GRM8: variants seen among roughly 807,000 people sequenced by gnomAD.
GRM8 encodes the protein glutamate metabotropic receptor 8.
In GRM8, 47 loss-of-function variants were observed where a neutral mutation model predicts 87.2. The ratio of observed to expected loss-of-function variants is 0.54; its 90% CI spans 0.43 to 0.69. The LOEUF (loss-of-function observed/expected upper bound fraction) is 0.69, where lower values mean the gene tolerates loss of function less well. Ranked by LOEUF, GRM8 falls within the 30% of genes least tolerant of loss-of-function variation. The pLI is 0.00. For missense variants in GRM8, 1,019 were observed against 1,139.2 expected, an observed-to-expected ratio of 0.89 and a Z score of 1.52; for synonymous variants, 396 against 404.5, an observed-to-expected ratio of 0.98 and a Z score of 0.25.
chr7:126,990,576 C>T (rs149994448), intron 3 of GRM8, among the ~76,000 whole-genome samples: 40 of 152,290 alleles, frequency 2.6e-4, no homozygotes, highest in Middle Eastern at 3.4e-3. Flanking sequence ...AGATTGTTGA[C>T]GTTACCGTTA....
chr7:126,919,625 GGA>G (rs1451548558), intron 3 of GRM8, among the ~76,000 whole-genome samples: 2 of 151,804 alleles, frequency 1.3e-5, no homozygotes, highest in African/African-American at 4.8e-5. Flanking sequence ...AAAAATGAAA[GGA>G]GTGTTGGGGA....
chr7:126,601,123 T>G (rs1797709889), intron 8 of GRM8, among the ~76,000 whole-genome samples: 1 of 137,040 alleles, frequency 7.3e-6, no homozygotes, highest in African/African-American at 2.8e-5. Flanking sequence ...GATATTCCCC[T>G]TCCTGTGTCC....
chr7:126,446,455 T>C (rs564189528), intron 9 of GRM8, 83 bp from the exon 10 acceptor site: 1 of 914,676 alleles, frequency 1.1e-6, no homozygotes, highest in East Asian at 2.5e-5. Flanking sequence ...TTTCTAAAAT[T>C]GTTCCAGCTT....
chr7:127,143,286 T>G (rs1017196608), intron 2 of GRM8, among the ~76,000 whole-genome samples: 3 of 152,174 alleles, frequency 2.0e-5, no homozygotes, highest in East Asian at 3.9e-4. Context: ...TTATCCTTAA[T>G]AAATAGTCAC....
rs184464427 is a variant in GRM8 at position 126,473,124 on chromosome 7, G to A, written c.2431-26752C>T. The stretch of plus-strand genomic sequence containing the variant: ...AGAGTCCCCACTGGGGCACTGCCTA[G>A]TGGAGCTGTGAGAAGAGGGCCACTG... On this transcript the variant is annotated intron_variant, in intron 9 of 10. Coordinates refer to ENST00000339582, the MANE Select transcript of GRM8 (RefSeq NM_000845.3). Among the ~76,000 whole-genome samples the A allele has an allele frequency of 2.4e-3, 373 of 152,284 alleles. 2 individuals are homozygous for A. Among genetic ancestry groups the A allele is most frequent in the African/African-American group, 8.4e-3 (349 of 41,576 alleles).
chr7:127,066,341 T>C (rs1821108075), intron 3 of GRM8, among the ~76,000 whole-genome samples: 1 of 152,200 alleles, frequency 6.6e-6, no homozygotes, highest in African/African-American at 2.4e-5. Context: ...TATCAGGCCT[T>C]GGGTTTTGAA....
intron 6 of GRM8, among the ~76,000 whole-genome samples, chr7:126,864,793 G>A (rs975659344): frequency 2.0e-5 from 3 of 151,776 alleles, no homozygotes; most frequent in African/African-American, 4.8e-5. Flanking sequence ...CAGTTGTTTT[G>A]CATGAAACCA....
chr7:126,783,431 C>G (rs894569170), intron 6 of GRM8, among the ~76,000 whole-genome samples: 4 of 152,134 alleles, frequency 2.6e-5, no homozygotes, highest in African/African-American at 9.7e-5. Context: ...CAGTAAAGTA[C>G]AGTAAGGAAA....
chr7:126,760,139 T>C lies in GRM8; in HGVS notation c.1357+9726A>G, dbSNP rs148726476. Among the ~76,000 whole-genome samples the C allele has an allele frequency of 3.7e-3, 571 of 152,292 alleles. 8 individuals are homozygous for C. Among genetic ancestry groups the C allele is most frequent in the African/African-American group, 0.013 (542 of 41,556 alleles). ...GTTTAGACCCAAGGTCAGCCCTCAA[T>C]TATTAAGCCCATGGTACTCCACCTC... On this transcript the variant is annotated intron_variant, in intron 7 of 10. Transcript: ENST00000339582.
At chr7:127,176,714 C>T (rs1331380862) in intron 2 of GRM8, among the ~76,000 whole-genome samples, 4 of 152,204 alleles carry the variant, frequency 2.6e-5, no homozygotes, top group African/African-American at 4.8e-5. Flanking sequence ...ATGCAGACAA[C>T]CCCCAGTACC....
At chr7:127,043,735 GCACATGTA>G (rs1818658393) in intron 3 of GRM8, among the ~76,000 whole-genome samples, 3 of 152,206 alleles carry the variant, frequency 2.0e-5, no homozygotes, top group Non-Finnish European at 4.4e-5. Context: ...TGCACGTTGT[GCACATGTA>G]CCCTAAAACT....
chr7:127,176,355 A>C (rs1010577847), intron 2 of GRM8, among the ~76,000 whole-genome samples: 1 of 152,236 alleles, frequency 6.6e-6, no homozygotes, highest in African/African-American at 2.4e-5. Flanking sequence ...TTTAAATGTT[A>C]ATTGTTTAAA....
intron 6 of GRM8, among the ~76,000 whole-genome samples, chr7:126,890,618 T>C (rs1202711894): frequency 1.3e-5 from 2 of 152,052 alleles, no homozygotes; most frequent in Non-Finnish European, 2.9e-5. Flanking sequence ...GAGAGAATAA[T>C]CTTCCTCCTT....
chr7:127,240,888 G>A (rs559437831), intron 2 of GRM8, among the ~76,000 whole-genome samples: 1 of 152,196 alleles, frequency 6.6e-6, no homozygotes, highest in African/African-American at 2.4e-5. Context: ...TAAGCAAGGA[G>A]TCCCTCTTAC....
At chr7:127,061,000 A>G (rs941333653) in intron 3 of GRM8, among the ~76,000 whole-genome samples, 6 of 152,144 alleles carry the variant, frequency 3.9e-5, no homozygotes, top group African/African-American at 1.4e-4. Flanking sequence ...GGGGCTGAAC[A>G]TGTTCATATG....
chr7:126,737,281 G>C (rs765574566), intron 7 of GRM8, among the ~76,000 whole-genome samples: 3 of 151,912 alleles, frequency 2.0e-5, no homozygotes, highest in Non-Finnish European at 4.4e-5. Context: ...TGGTTCATCT[G>C]ATCTTGTGAT....
At chr7:127,130,726 T>C (rs924632033) in intron 2 of GRM8, among the ~76,000 whole-genome samples, 4 of 152,148 alleles carry the variant, frequency 2.6e-5, no homozygotes, top group Admixed American at 1.3e-4. Flanking sequence ...TCTGGCATTA[T>C]AATCCCCAAG....
At chr7:127,223,003 G>A (rs1396944309) in intron 2 of GRM8, among the ~76,000 whole-genome samples, 2 of 152,162 alleles carry the variant, frequency 1.3e-5, no homozygotes, top group African/African-American at 4.8e-5. Flanking sequence ...GACCTTGAGA[G>A]AGGAACAAGA....
At chr7:126,646,286 G>A (rs77364946) in intron 7 of GRM8, among the ~76,000 whole-genome samples, 3 of 79,996 alleles carry the variant, frequency 3.8e-5, no homozygotes, top group African/African-American at 9.8e-5. Context: ...AAGGAAGGAA[G>A]GAAGGAAGGA....
Sources: gnomAD v4.1 joint callset for allele counts (sites outside exome capture counted in the v4.1 genomes callset) on GRCh38, gnomAD v4.1.1 for gene constraint, MANE v1.5 for transcripts, NCBI Gene and HGNC (gene_info 2026-07-23, HGNC 2026-07-21) for gene names.